SLC8A2: variants seen among roughly 807,000 people sequenced by gnomAD.
SLC8A2 encodes the protein sodium/calcium exchanger 2.
A neutral mutation model predicts 70.2 loss-of-function variants in SLC8A2; 14 were observed. The ratio of observed to expected loss-of-function variants is 0.20; its 90% confidence interval spans 0.13 to 0.31. The LOEUF is 0.31. Ranked by LOEUF, SLC8A2 falls within the 10% of genes least tolerant of loss-of-function variation. SLC8A2 has a pLI of 1.00. For missense variants in SLC8A2, 779 were observed against 1,320.1 expected, an observed-to-expected ratio of 0.59 and a Z score of 6.35; for synonymous variants, 575 against 594.3, an observed-to-expected ratio of 0.97 and a Z score of 0.47.
rs1351561626 is a variant in SLC8A2, at chr19:47,447,771, A to C, written c.1763+38T>G. ...CCACATCAGGCCTCGCCCATTCCGA[A>C]GCCCCGCCCCTCTCCGGGCCGCCTC... is the stretch of plus-strand genomic sequence containing the variant. On this transcript the variant is annotated intron_variant, in intron 4 of 9. Transcript: ENST00000236877. The surrounding 1 kb of genome is among the most constrained non-coding windows in gnomAD (Gnocchi z 5.1). 1 of 1,531,136 alleles carries C rather than the reference A, an allele frequency of 6.5e-7. No homozygotes were observed. The highest frequency in any genetic ancestry group is 2.5e-5 in the East Asian group (1 of 40,328). 94.8% of individuals were successfully genotyped at this position (1,531,136 alleles called of 1,614,324 possible). A position where few individuals can be genotyped will look rare whatever the true frequency, so the allele number is the denominator to read the frequency against.
chr19:47,429,696 A>C lies in SLC8A2; in HGVS notation c.*393T>G. 2 of 189,002 alleles carry C rather than the reference A, an allele frequency of 1.1e-5. No individual in the cohort carries two copies. The highest frequency in any genetic ancestry group is 2.2e-5 in the Non-Finnish European group (2 of 92,090). The allele number at this position is 189,002 out of a possible 1,614,324, so 11.7% of individuals were successfully genotyped here. ...CATGGGGTGAAGTGGGGGGGGGGTC[A>C]CTAGGGGAAGGGAGACTTTGGGGGC... On this transcript the variant is annotated 3_prime_UTR_variant, in exon 10 of 10. Transcript: ENST00000236877.
chr19:47,433,837 T>C (rs944393395), intron 8 of SLC8A2, among the ~76,000 whole-genome samples: 1 of 152,110 alleles, frequency 6.6e-6, no homozygotes, highest in Non-Finnish European at 1.5e-5. Context: ...AGAGATGGGA[T>C]TTCGCCATGT....
chr19:47,436,665 G>A (rs375782745), intron 8 of SLC8A2, among the ~76,000 whole-genome samples: 1 of 152,118 alleles, frequency 6.6e-6, no homozygotes, highest in Non-Finnish European at 1.5e-5. Flanking sequence ...CTCCGACCTC[G>A]GGCCTTTTCT....
At position 47,465,627 on chromosome 19, in the gene SLC8A2, G is replaced by A; in HGVS notation, c.675+102C>T. The A allele has an allele frequency of 1.0e-6, 1 of 1,002,232 alleles. No individual in the cohort carries two copies. Among genetic ancestry groups the A allele is most frequent in the Non-Finnish European group, 1.5e-6 (1 of 686,586 alleles). 62.1% of individuals were successfully genotyped at this position (1,002,232 alleles called of 1,614,324 possible). ...TGGCAGCCCTCTCAGATGTGAGTGT[G>A]CATTTCTGCAAATACAGCAATCAAC... On this transcript the variant is annotated intron_variant, in intron 2 of 9. Coordinates refer to ENST00000236877, the MANE Select transcript of SLC8A2 (RefSeq NM_015063.3). The surrounding 1 kb of genome is among the most constrained non-coding windows in gnomAD (Gnocchi z 5.5).
At position 47,457,574 on chromosome 19, in the gene SLC8A2, G is replaced by T; in HGVS notation, c.696C>A (p.Thr232=). The change falls in exon 3 of 10, where the codon ACC becomes ACA. Residue 232 remains threonine, a synonymous_variant. Transcript: ENST00000236877. ...CCACGCACACCGGGAAGAAGACCAG[G>T]GTCAGCAGCGCCTCCCACACCTGCG... is the stretch of plus-strand genomic sequence containing the variant. ...GVVQVWEALL[T]LVFFPVCVVF... The T allele has an allele frequency of 6.4e-7, 1 of 1,570,490 alleles. No homozygotes were observed. The highest frequency in any genetic ancestry group is 1.8e-5 in the Admixed American group (1 of 54,532).
Position 47,430,200 on chromosome 19 carries a change from C to G in SLC8A2, c.2655G>C (p.Leu885=), listed in dbSNP as rs752539037. 1 of 1,604,146 alleles carries G rather than the reference C, an allele frequency of 6.2e-7. No individual in the cohort carries two copies. The highest frequency in any genetic ancestry group is 1.1e-5 in the South Asian group (1 of 90,214). The part of the protein sequence containing the change: ...YRRRPHIGGE[L]GGPRGPKLAT... ...CGAGCTTGGGTCCGCGCGGGCCGCC[C>G]AGCTCGCCGCCGATGTGCGGCCGGC... The change falls in exon 10 of 10, where the codon CTG becomes CTC. Residue 885 remains leucine (L), a synonymous_variant. Transcript: ENST00000236877. This position sits in a 1 kb window ranked among gnomAD's most constrained non-coding sequence, Gnocchi z 5.9.
Position 47,465,883 on chromosome 19 carries a change from A to C in SLC8A2, c.521T>G (p.Phe174Cys). The C allele has an allele frequency of 6.2e-7, 1 of 1,614,096 alleles. No individual in the cohort carries two copies. Among genetic ancestry groups the C allele is most frequent in the Non-Finnish European group, 8.5e-7 (1 of 1,180,020 alleles). The change falls in exon 2 of 10, where the codon TTT (phenylalanine) becomes TGT (cysteine). Residue 174 changes from phenylalanine (F) to cysteine (C), a missense_variant. By Grantham distance (205) the Phe-to-Cys change is radical. Coordinates refer to ENST00000236877, the MANE Select transcript of SLC8A2 (RefSeq NM_015063.3). This position sits in a 1 kb window ranked among gnomAD's most constrained non-coding sequence, Gnocchi z 5.5. ...GTAGATGCACACGGCGATGACCACA[A>C]ACATGTTGAAGGCAGCGCTGCCCAC... ...TIVGSAAFNM[F>C]VVIAVCIYVI...
rs1161158141 is a variant in SLC8A2 at position 47,468,169 on chromosome 19, T to C, written c.-16-1750A>G. 1.3e-5 allele frequency among the ~76,000 whole-genome samples: 2 copies of C among 151,762 alleles called. No individual in the cohort carries two copies. The highest frequency in any genetic ancestry group is 3.9e-4 in the East Asian group (2 of 5,180). On this transcript the variant is annotated intron_variant, in intron 1 of 9. Transcript: ENST00000236877. This position sits in a 1 kb window ranked among gnomAD's most constrained non-coding sequence, Gnocchi z 5.1. ...CCCCGACTCCCTCTCTGGCCTCTTT[T>C]CCCACCCTCTCCCCCTTGCCCAGTC...
chr19:47,435,489 TC>T (rs1967015910), intron 8 of SLC8A2, among the ~76,000 whole-genome samples: 2 of 150,318 alleles, frequency 1.3e-5, no homozygotes, highest in Non-Finnish European at 2.9e-5. Flanking sequence ...TCCCCGTTGT[TC>T]GTGGAATGAA....
rs143902039 is a variant in SLC8A2 at position 47,465,951 on chromosome 19, G to A, written c.453C>T (p.Cys151=). ...GCTCACCCGCCTGGAAGTTGTGGCC[G>A]CAGACTTCGATGACTGACAGCAGGA... ...PEILLSVIEV[C]GHNFQAGELG... Residue 151 remains cysteine, a synonymous_variant, in exon 2 of 10, where the codon TGC becomes TGT. Transcript: ENST00000236877. The surrounding 1 kb of genome is among the most constrained non-coding windows in gnomAD (Gnocchi z 5.5). 121 of 1,614,038 alleles carry A rather than the reference G, an allele frequency of 7.5e-5. No homozygotes were observed. The highest frequency in any genetic ancestry group is 6.3e-4 in the African/African-American group (47 of 75,046).
In SLC8A2 at chr19:47,457,524, C is replaced by T; in HGVS notation, c.746G>A (p.Arg249Gln). The T allele has an allele frequency of 1.2e-6, 2 of 1,603,350 alleles. No homozygotes were observed. Among genetic ancestry groups the T allele is most frequent in the Non-Finnish European group, 1.7e-6 (2 of 1,176,114 alleles). ...GTACACGTACTTGTAGAAGAGCAGC[C>T]GCTTGTCGGCCATCCAGGCGAATAC... is the stretch of plus-strand genomic sequence containing the variant. ...CVVFAWMADK[R>Q]LLFYKYVYKR... Residue 249 changes from arginine to glutamine, a missense_variant, in exon 3 of 10, where the codon CGG (arginine) becomes CAG (glutamine). By Grantham distance (43) the Arg-to-Gln change is conservative. Around this residue, in one of 6 missense-constraint regions of SLC8A2, gnomAD observed 155 missense variants for 318.6 expected, o/e 0.49. Transcript: ENST00000236877.
chr19:47,439,603 C>CTCCTTTCTTCCT (rs1967073857), intron 6 of SLC8A2, among the ~76,000 whole-genome samples: 3 of 68,548 alleles, frequency 4.4e-5, no homozygotes, highest in African/African-American at 1.7e-4. Context: ...TCTCTTCTCC[C>CTCCTTTCTTCCT]TCCTTCCTTC....
chr19:47,464,884 C>T lies in SLC8A2; in HGVS notation c.675+845G>A, dbSNP rs768614859. ...TTGTCAAGGAAGACTACATAGTATG[C>T]GAGTTAAGACATGGGGTGAGCGAAA... On this transcript the variant is annotated intron_variant, in intron 2 of 9. Transcript: ENST00000236877. Among the ~76,000 whole-genome samples the T allele has an allele frequency of 3.6e-4, 55 of 152,072 alleles. 1 individual carries two copies. The highest frequency in any genetic ancestry group is 2.2e-4 in the African/African-American group (9 of 41,386).
chr19:47,459,361 G>C (rs1192987420), intron 2 of SLC8A2, among the ~76,000 whole-genome samples: 2 of 151,612 alleles, frequency 1.3e-5, no homozygotes, highest in Admixed American at 6.6e-5. Context: ...TTGTTGCCTC[G>C]GTCTCCTTGG....
intron 3 of SLC8A2, among the ~76,000 whole-genome samples, chr19:47,451,704 T>A (rs2036718157): frequency 6.6e-6 from 1 of 152,200 alleles, no homozygotes; most frequent in Non-Finnish European, 1.5e-5. Context: ...CGAGTGGACA[T>A]CATGTTCCTC....
intron 2 of SLC8A2, among the ~76,000 whole-genome samples, chr19:47,463,886 T>G (rs566858137): frequency 8.5e-5 from 13 of 152,210 alleles, no homozygotes; most frequent in African/African-American, 2.6e-4. Flanking sequence ...AGCACTCTCA[T>G]GATCCCCATT....
chr19:47,430,213 A>G lies in SLC8A2; in HGVS notation c.2642T>C (p.Ile881Thr). ...AVLLYRRRPH[I>T]GGELGGPRGP... Reference sequence around the variant, plus strand: ...GCGCGGGCCGCCCAGCTCGCCGCCGATGTGCGGCCGGCGCCGGTACAGCAG... The same window carrying G: ...GCGCGGGCCGCCCAGCTCGCCGCCGGTGTGCGGCCGGCGCCGGTACAGCAG... The change falls in exon 10 of 10, where the codon ATC (isoleucine) becomes ACC (threonine). Residue 881 changes from isoleucine to threonine, a missense_variant. By Grantham distance (89) the Ile-to-Thr change is moderately conservative. Around this residue, in one of 6 missense-constraint regions of SLC8A2, gnomAD observed 108 missense variants for 269.6 expected, o/e 0.40. Transcript: ENST00000236877. This position sits in a 1 kb window ranked among gnomAD's most constrained non-coding sequence, Gnocchi z 5.9. The G allele has an allele frequency of 6.2e-7, 1 of 1,607,780 alleles. No homozygotes were observed. Among genetic ancestry groups the G allele is most frequent in the Non-Finnish European group, 8.5e-7 (1 of 1,176,968 alleles).
At chr19:47,444,687 G>A (rs1967138724) in intron 4 of SLC8A2, among the ~76,000 whole-genome samples, 3 of 152,272 alleles carry the variant, frequency 2.0e-5, no homozygotes, top group Admixed American at 1.3e-4. Flanking sequence ...TGACAGGCAC[G>A]TCAACTGCGC....
intron 6 of SLC8A2, among the ~76,000 whole-genome samples, chr19:47,438,864 C>T (rs1172964481): frequency 2.0e-5 from 3 of 152,214 alleles, no homozygotes; most frequent in Non-Finnish European, 4.4e-5. Context: ...AAACCTCAGT[C>T]CCAACTCCCA....
Sources: gnomAD v4.1 joint callset for allele counts (sites outside exome capture counted in the v4.1 genomes callset) on GRCh38, gnomAD v4.1.1 for gene constraint, gnomAD v4.1.1 regional missense constraint, Gnocchi (gnomAD v3.1) non-coding constraint, MANE v1.5 for transcripts, NCBI Gene and HGNC (gene_info 2026-07-23, HGNC 2026-07-21) for gene names.